The following KCND2 variants were observed in gnomAD, a reference collection of about 807,000 sequenced individuals.
The protein encoded by KCND2 is potassium voltage-gated channel subfamily D member 2.
Under a neutral mutation model 54.4 loss-of-function variants are expected in KCND2, and 16 were observed. That is an observed-to-expected ratio of 0.29 (90% CI 0.20 to 0.45). KCND2 has a LOEUF of 0.45. Among genes scored for constraint, KCND2 ranks in the 20% least tolerant of loss-of-function variants. KCND2 has a pLI of 1.00. For missense variants in KCND2, 486 were observed against 824.2 expected (o/e 0.59, Z 5.02); for synonymous variants, 317 against 310.7 (o/e 1.02, Z -0.21).
chr7:120,542,594 A>G (rs1791992912), intron 1 of KCND2, among the ~76,000 whole-genome samples: 1 of 152,154 alleles, frequency 6.6e-6, no homozygotes, highest in Admixed American at 6.6e-5. Context: ...TGTTCTATAT[A>G]GTTCATGTCA....
At chr7:120,276,567 G>T (rs941568381) in intron 1 of KCND2, among the ~76,000 whole-genome samples, 2 of 152,112 alleles carry the variant, frequency 1.3e-5, no homozygotes, top group Admixed American at 1.3e-4. Context: ...ACCAAGGCTG[G>T]CTGTATTATA....
chr7:120,289,459 A>G (rs778849630), intron 1 of KCND2, among the ~76,000 whole-genome samples: 1 of 152,114 alleles, frequency 6.6e-6, no homozygotes, highest in Non-Finnish European at 1.5e-5. Context: ...AACAAACAAC[A>G]ATAGAACATG....
chr7:120,619,566 T>A (rs1015595867), intron 1 of KCND2, among the ~76,000 whole-genome samples: 1 of 152,282 alleles, frequency 6.6e-6, no homozygotes, highest in African/African-American at 2.4e-5. Flanking sequence ...TCAACATTTT[T>A]AATTCTATTT....
At chr7:120,669,274 T>C (rs1051888205) in intron 1 of KCND2, among the ~76,000 whole-genome samples, 1 of 152,080 alleles carries the variant, frequency 6.6e-6, no homozygotes, top group African/African-American at 2.4e-5. Flanking sequence ...TATCTTGATT[T>C]TTTCCCATGT....
rs1802873819 is a variant in KCND2, at chr7:120,497,918, C to A, written c.1115+222171C>A. Among the ~76,000 whole-genome samples the A allele has an allele frequency of 2.6e-5, 4 of 152,026 alleles. No individual in the cohort carries two copies. In the South Asian group the frequency reaches 8.3e-4, roughly 32 times the overall value. The stretch of plus-strand genomic sequence containing the variant: ...GAAGGAGTGTGGATATTAGAGGACA[C>A]CTAGCAGCCTCTGCAAAACACAGTA... On this transcript the variant is annotated intron_variant, in intron 1 of 5. Coordinates refer to ENST00000331113, the MANE Select transcript of KCND2 (RefSeq NM_012281.3).
chr7:120,694,382 G>C (rs1196635624), intron 1 of KCND2, among the ~76,000 whole-genome samples: 1 of 152,070 alleles, frequency 6.6e-6, no homozygotes, highest in African/African-American at 2.4e-5. Context: ...TGGCACCTGG[G>C]TTTAATTAAG....
At chr7:120,287,408 A>ATTTAAAT (rs1217323344) in intron 1 of KCND2, among the ~76,000 whole-genome samples, 2 of 152,126 alleles carry the variant, frequency 1.3e-5, no homozygotes, top group Admixed American at 1.3e-4. Flanking sequence ...GAGTTCACCT[A>ATTTAAAT]AAGCAATTTA....
At chr7:120,445,029 G>C (rs563980891) in intron 1 of KCND2, among the ~76,000 whole-genome samples, 4 of 152,224 alleles carry the variant, frequency 2.6e-5, no homozygotes, top group African/African-American at 9.6e-5. Context: ...AAAGACTAGA[G>C]CATTGATGTT....
intron 1 of KCND2, among the ~76,000 whole-genome samples, chr7:120,386,223 C>A (rs185330186): frequency 1.4e-4 from 22 of 152,230 alleles, no homozygotes; most frequent in Admixed American, 7.9e-4. Context: ...GATATGGAAA[C>A]ATTTTGCTAT....
chr7:120,426,477 TA>T (rs1801707783), intron 1 of KCND2, among the ~76,000 whole-genome samples: 1 of 152,164 alleles, frequency 6.6e-6, no homozygotes, highest in African/African-American at 2.4e-5. Flanking sequence ...AAAGCTAAAT[TA>T]AAATGTTTAA....
chr7:120,509,233 T>C (rs1008186554), intron 1 of KCND2, among the ~76,000 whole-genome samples: 1 of 151,868 alleles, frequency 6.6e-6, no homozygotes. Context: ...ACAAAAAAAA[T>C]AATATTAGGT....
chr7:120,528,622 G>A (rs182508465), intron 1 of KCND2, among the ~76,000 whole-genome samples: 25 of 152,218 alleles, frequency 1.6e-4, no homozygotes, highest in African/African-American at 5.8e-4. Flanking sequence ...AGCTAACCCA[G>A]TAGAGATAAC....
At chr7:120,564,826 G>A (rs985498660) in intron 1 of KCND2, among the ~76,000 whole-genome samples, 1 of 152,094 alleles carries the variant, frequency 6.6e-6, no homozygotes, top group South Asian at 2.1e-4. Context: ...TCAAGGCAGA[G>A]GAATTTACAT....
At chr7:120,407,722 A>T (rs933352680) in intron 1 of KCND2, among the ~76,000 whole-genome samples, 1 of 150,448 alleles carries the variant, frequency 6.6e-6, no homozygotes, top group Non-Finnish European at 1.5e-5. Context: ...ATATAAAAAT[A>T]TAATAATATA....
intron 1 of KCND2, among the ~76,000 whole-genome samples, chr7:120,608,142 T>C (rs1034838356): frequency 6.6e-6 from 1 of 151,966 alleles, no homozygotes; most frequent in African/African-American, 2.4e-5. Context: ...CATACTCTCA[T>C]CAAGTGTAAT....
At chr7:120,466,348 G>A (rs75998696) in intron 1 of KCND2, among the ~76,000 whole-genome samples, 3,869 of 152,154 alleles carry the variant, frequency 0.025, 162 homozygotes, top group African/African-American at 0.088. Context: ...AAGATAGAGA[G>A]TAATACTGTT....
At chr7:120,691,348 G>T (rs1223129079) in intron 1 of KCND2, among the ~76,000 whole-genome samples, 3 of 152,200 alleles carry the variant, frequency 2.0e-5, no homozygotes, top group Non-Finnish European at 4.4e-5. Flanking sequence ...CAATCACCAT[G>T]GGGGGAGAAG....
At chr7:120,520,724 GAGAC>G (rs762384382) in intron 1 of KCND2, among the ~76,000 whole-genome samples, 49 of 152,252 alleles carry the variant, frequency 3.2e-4, no homozygotes, top group Admixed American at 9.8e-4. Context: ...AGATGAAATA[GAGAC>G]AGACAGACGA....
At chr7:120,670,200 T>A (rs1211771857) in intron 1 of KCND2, among the ~76,000 whole-genome samples, 6 of 152,112 alleles carry the variant, frequency 3.9e-5, no homozygotes, top group African/African-American at 1.4e-4. Context: ...GCATTTTGGC[T>A]TAAACATTTC....
Sources: allele counts gnomAD v4.1 joint callset (sites outside exome capture counted in the v4.1 genomes callset), GRCh38; gene constraint gnomAD v4.1.1; transcripts MANE v1.5; gene names NCBI Gene and HGNC (gene_info 2026-07-23, HGNC 2026-07-21).